Variants in MSR1 observed in about 807,000 individuals in gnomAD.
MSR1 encodes macrophage scavenger receptor 1.
A neutral mutation model predicts 47.2 loss-of-function variants in MSR1; 53 were observed. The observed-to-expected ratio is 1.12, with a 90% CI of 0.90 to 1.41. The LOEUF is 1.41. MSR1 is among the 40% of genes most tolerant of loss of function. The pLI is 0.00. For synonymous variants in MSR1, 239 were observed against 185.6 expected, an observed-to-expected ratio of 1.29 and a Z score of -2.34; for missense variants, 786 against 546.9, an observed-to-expected ratio of 1.44 and a Z score of -4.36.
chr8:16,186,126 C>T (rs1801991068), intron 1 of MSR1: 1 of 1,507,704 alleles, frequency 6.6e-7, no homozygotes, highest in Admixed American at 2.0e-5. Context: ...ATGAAAGTCC[C>T]TGAGTGCATA....
chr8:16,170,793 C>T (rs1801462819), intron 3 of MSR1, among the ~76,000 whole-genome samples: 1 of 152,130 alleles, frequency 6.6e-6, no homozygotes, highest in Non-Finnish European at 1.5e-5. Flanking sequence ...TCCTCCATTA[C>T]CAACTAGGCT....
At chr8:16,157,336 TTAGTTC>T (rs1801039377) in intron 5 of MSR1, among the ~76,000 whole-genome samples, 1 of 151,912 alleles carries the variant, frequency 6.6e-6, no homozygotes, top group African/African-American at 2.4e-5. Flanking sequence ...TTTTGGAGTA[TTAGTTC>T]AATCACAGCG....
intron 8 of MSR1, among the ~76,000 whole-genome samples, chr8:16,122,753 T>G (rs912757008): frequency 3.3e-5 from 5 of 152,032 alleles, no homozygotes; most frequent in Non-Finnish European, 5.9e-5. Context: ...TCATCTCATT[T>G]ATTGCAAAGG....
chr8:16,128,434 T>C (rs1238457865), intron 8 of MSR1, among the ~76,000 whole-genome samples: 4 of 151,990 alleles, frequency 2.6e-5, no homozygotes, highest in Admixed American at 2.0e-4. Flanking sequence ...AGAAACTGCC[T>C]CATGAAGTCA....
chr8:16,148,776 C>A (rs946074056), intron 7 of MSR1, among the ~76,000 whole-genome samples: 19 of 152,038 alleles, frequency 1.2e-4, no homozygotes, highest in African/African-American at 4.6e-4. Flanking sequence ...TTTGAAGCAA[C>A]CAAAGCGTCC....
intron 7 of MSR1, among the ~76,000 whole-genome samples, chr8:16,147,151 C>T (rs1800721939): frequency 6.6e-6 from 1 of 152,106 alleles, no homozygotes; most frequent in Non-Finnish European, 1.5e-5. Context: ...GGCAAGGTTT[C>T]ACATCAATTA....
intron 6 of MSR1, among the ~76,000 whole-genome samples, chr8:16,153,137 T>G (rs1247833912): frequency 6.6e-6 from 1 of 152,044 alleles, no homozygotes; most frequent in East Asian, 1.9e-4. Context: ...TAGGTGAGTT[T>G]GACTTGGTCA....
Position 16,120,615 on chromosome 8 carries a change from TTAAAAAAAAAAAAAA to T in MSR1, c.1034-24_1034-10del. 1.5e-6 allele frequency: 2 copies of T among 1,334,190 alleles called. No homozygotes were observed. Among genetic ancestry groups the T allele is most frequent in the Admixed American group, 7.7e-5 (2 of 25,992 alleles). 82.6% of individuals were successfully genotyped at this position (1,334,190 alleles called of 1,614,324 possible). A position where few individuals can be genotyped will look rare whatever the true frequency, so the allele number is the denominator to read the frequency against. On this transcript the variant is annotated splice_polypyrimidine_tract_variant and intron_variant, in intron 8 of 9. Coordinates refer to ENST00000262101, the MANE Select transcript of MSR1 (RefSeq NM_138715.3). The stretch of plus-strand genomic sequence containing the variant: ...AACTTTCGTAAATGGAGCTGTAAAG[TTAAAAAAAAAAAAAA>T]AAAAAAAAAAAGGCAAGCAAGGACT...
chr8:16,142,036 T>A (rs888770166), intron 8 of MSR1, among the ~76,000 whole-genome samples: 6 of 151,996 alleles, frequency 3.9e-5, no homozygotes, highest in Admixed American at 2.0e-4. Flanking sequence ...GAGTAAAAAG[T>A]ACACAGCAGG....
chr8:16,144,816 A>G (rs1800655557), intron 7 of MSR1, among the ~76,000 whole-genome samples: 1 of 152,040 alleles, frequency 6.6e-6, no homozygotes, highest in Non-Finnish European at 1.5e-5. Flanking sequence ...TTGTGATTTT[A>G]TTCTCAGAGA....
At chr8:16,162,437 T>C (rs1361470656) in intron 5 of MSR1, among the ~76,000 whole-genome samples, 1 of 152,038 alleles carries the variant, frequency 6.6e-6, no homozygotes, top group African/African-American at 2.4e-5. Flanking sequence ...ATGCCCGAGG[T>C]GCTTTTAGAA....
chr8:16,185,082 T>G (rs1014278541), intron 1 of MSR1, among the ~76,000 whole-genome samples: 1 of 152,110 alleles, frequency 6.6e-6, no homozygotes, highest in African/African-American at 2.4e-5. Context: ...GGAAGTCTGT[T>G]TGCTTTCTGG....
intron 6 of MSR1, among the ~76,000 whole-genome samples, chr8:16,151,282 A>G (rs1226912372): frequency 6.6e-6 from 1 of 152,142 alleles, no homozygotes; most frequent in Non-Finnish European, 1.5e-5. Context: ...CTCAGAACAC[A>G]GCTGTTCAAC....
At chr8:16,188,989 T>A (rs949959808) in intron 1 of MSR1, among the ~76,000 whole-genome samples, 1 of 141,280 alleles carries the variant, frequency 7.1e-6, no homozygotes, top group African/African-American at 2.6e-5. Context: ...TATATATATA[T>A]ATATATATAA....
rs776423304 is a variant in MSR1, at chr8:16,120,456, C to T, written c.1184G>A (p.Gly395Asp). ...QVVCRSLGYP[G>D]VQAVHKAAHF... ...AGCTGCCTTGTGCACGGCTTGAACACCTGGGTATCCCAAGCTCCTACAGAC... is the reference window on the plus strand; with the variant it reads ...AGCTGCCTTGTGCACGGCTTGAACATCTGGGTATCCCAAGCTCCTACAGAC... The change falls in exon 9 of 10, where the codon GGT (glycine) becomes GAT (aspartate). Residue 395 changes from glycine (G) to aspartate (D), a missense_variant. Physicochemically the swap from Gly to Asp is moderately conservative, Grantham distance 94. Coordinates refer to ENST00000262101, the MANE Select transcript of MSR1 (RefSeq NM_138715.3). The T allele has an allele frequency of 1.2e-6, 2 of 1,613,832 alleles. No individual in the cohort carries two copies. Among genetic ancestry groups the T allele is most frequent in the South Asian group, 1.1e-5 (1 of 91,054 alleles).
intron 8 of MSR1, among the ~76,000 whole-genome samples, chr8:16,143,241 G>T (rs351557): frequency 0.96 from 146,780 of 152,214 alleles, 71,020 homozygotes; most frequent in East Asian, 1. Flanking sequence ...TTGTTTCTAT[G>T]CATAAGCTTG....
rs6985143 is a variant in MSR1 at position 16,108,576 on chromosome 8, C to G, written c.*1509G>C. ...GGAACTGAACACAAAGAATTATTAA[C>G]TAGCTGAAATTACAGCCAGGGTTTG... On this transcript the variant is annotated 3_prime_UTR_variant, in exon 10 of 10. Transcript: ENST00000262101. 2 of 152,020 alleles carry G rather than the reference C, an allele frequency of 1.3e-5. No individual in the cohort carries two copies. The highest frequency in any genetic ancestry group is 3.9e-4 in the East Asian group (2 of 5,188). The allele number at this position is 152,020 out of a possible 1,614,324, so 9.4% of individuals were successfully genotyped here. A position where few individuals can be genotyped will look rare whatever the true frequency, so the allele number is the denominator to read the frequency against.
chr8:16,109,797 C>G lies in MSR1; in HGVS notation c.*288G>C, dbSNP rs938049976. ...AATTACTGGTATGCATTTCTATTAC[C>G]CTTGGCCTTTGTAATCTGGAAGCTA... On this transcript the variant is annotated 3_prime_UTR_variant, in exon 10 of 10. Transcript: ENST00000262101. 1.5e-5 allele frequency: 6 copies of G among 400,846 alleles called. No homozygotes were observed. Among genetic ancestry groups the G allele is most frequent in the South Asian group, 2.8e-5 (1 of 35,892 alleles). The allele number at this position is 400,846 out of a possible 1,614,324, so 24.8% of individuals were successfully genotyped here.
At chr8:16,132,534 C>A (rs748487766) in intron 8 of MSR1, among the ~76,000 whole-genome samples, 4 of 152,066 alleles carry the variant, frequency 2.6e-5, no homozygotes, top group Non-Finnish European at 5.9e-5. Flanking sequence ...GTCACCCAGG[C>A]TGGAGTGCAG....
Sources: allele counts gnomAD v4.1 joint callset (sites outside exome capture counted in the v4.1 genomes callset), GRCh38; gene constraint gnomAD v4.1.1; transcripts MANE v1.5; gene names NCBI Gene and HGNC (gene_info 2026-07-23, HGNC 2026-07-21).